The following ZNF71 variants were observed in gnomAD, a reference collection of about 807,000 sequenced individuals.
ZNF71 encodes endothelial zinc finger protein induced by tumor necrosis factor alpha.
Under a neutral mutation model 6.7 loss-of-function variants are expected in ZNF71, and 3 were observed. That is an observed-to-expected ratio of 0.45 (90% confidence interval 0.20 to 1.16). The LOEUF is 1.16. ZNF71 is among the 50% of genes most tolerant of loss of function. The pLI, the probability that ZNF71 is intolerant of heterozygous loss-of-function variation, is 0.25. For synonymous variants in ZNF71, 343 were observed against 311.1 expected, an observed-to-expected ratio of 1.10 and a Z score of -1.08; for missense variants, 688 against 728.6, an observed-to-expected ratio of 0.94 and a Z score of 0.64.
intron 3 of ZNF71, among the ~76,000 whole-genome samples, chr19:56,616,761 C>T (rs1460971490): frequency 6.6e-6 from 1 of 152,170 alleles, no homozygotes; most frequent in African/African-American, 2.4e-5. Context: ...AGCTCTGTCT[C>T]CTCAACTTGG....
chr19:56,611,478 G>C (rs1568506251), intron 2 of ZNF71, among the ~76,000 whole-genome samples: 1 of 152,094 alleles, frequency 6.6e-6, no homozygotes, highest in Non-Finnish European at 1.5e-5. Context: ...TCCCTCCAGT[G>C]CCCCCTATTG....
chr19:56,605,832 GA>G (rs1209587236), intron 2 of ZNF71, among the ~76,000 whole-genome samples: 1 of 152,244 alleles, frequency 6.6e-6, no homozygotes, highest in Non-Finnish European at 1.5e-5. Context: ...ATAGGCAAAA[GA>G]CGTGCCATCC....
chr19:56,612,117 T>G (rs202169653), intron 2 of ZNF71, among the ~76,000 whole-genome samples: 2 of 152,236 alleles, frequency 1.3e-5, no homozygotes, highest in East Asian at 3.8e-4. Context: ...TTAGTACAAC[T>G]TCTTTGGAAA....
chr19:56,595,668 G>C (rs1189842806), intron 1 of ZNF71, among the ~76,000 whole-genome samples: 1 of 152,148 alleles, frequency 6.6e-6, no homozygotes, highest in Non-Finnish European at 1.5e-5. Context: ...GGCCATCCTG[G>C]GGGGAAGGTG....
intron 3 of ZNF71, among the ~76,000 whole-genome samples, chr19:56,615,729 T>G (rs188717930): frequency 2.0e-5 from 3 of 152,312 alleles, no homozygotes; most frequent in African/African-American, 7.2e-5. Flanking sequence ...TACCTCCCAT[T>G]CTGTGGATTG....
At position 56,607,717 on chromosome 19, in the gene ZNF71, C is replaced by T. The variant is rs185887600; in HGVS notation, c.34-6095C>T. 2.0e-5 allele frequency among the ~76,000 whole-genome samples: 3 copies of T among 152,346 alleles called. No individual in the cohort carries two copies. In the East Asian group the frequency reaches 5.8e-4, roughly 29 times the overall value. ...AAAAACAAACAAACAAACAAAAACA[C>T]TCACCCCCCTGTATTACTTGTGGCT... On this transcript the variant is annotated intron_variant, in intron 2 of 3. Coordinates refer to ENST00000599599, the MANE Select transcript of ZNF71 (RefSeq NM_001370215.1).
Position 56,623,611 on chromosome 19 carries a change from G to T in ZNF71, c.*854G>T, listed in dbSNP as rs1479196360. Reference sequence around the variant, plus strand: ...ACAGATTATTTTTATAGTGATTTTTGCAGCTAAATGTGAAGGCAACTGTCT... The same window carrying T: ...ACAGATTATTTTTATAGTGATTTTTTCAGCTAAATGTGAAGGCAACTGTCT... On this transcript the variant is annotated 3_prime_UTR_variant, in exon 4 of 4. Coordinates refer to ENST00000599599, the MANE Select transcript of ZNF71 (RefSeq NM_001370215.1). 1 of 167,010 alleles carries T rather than the reference G, an allele frequency of 6.0e-6. No homozygotes were observed. The highest frequency in any genetic ancestry group is 1.5e-5 in the Non-Finnish European group (1 of 68,104). The allele number at this position is 167,010 out of a possible 1,614,324, so 10.3% of individuals were successfully genotyped here.
Position 56,618,719 on chromosome 19 carries a change from C to A in ZNF71, c.161-2549C>A, listed in dbSNP as rs1329862083. On this transcript the variant is annotated intron_variant, in intron 3 of 3. Coordinates refer to ENST00000599599, the MANE Select transcript of ZNF71 (RefSeq NM_001370215.1). The surrounding 1 kb of genome is among the most constrained non-coding windows in gnomAD (Gnocchi z 4.6). ...GAGGCCCTGAGGCAGGAAGAACACA[C>A]GGACAAGAGGGAGAGCATGGTGATG... Among the ~76,000 whole-genome samples the A allele has an allele frequency of 8.1e-6, 1 of 123,542 alleles. No homozygotes were observed. The highest frequency in any genetic ancestry group is 3.1e-5 in the African/African-American group (1 of 32,034). 81.0% of individuals were successfully genotyped at this position (123,542 alleles called of 152,430 possible).
Position 56,600,343 on chromosome 19 carries a change from G to A in ZNF71, c.-52-1164G>A, listed in dbSNP as rs112233168. ...CTCCCGAGTAGCTGGGACTACAGGC[G>A]CCCGCCACCGCGCCCGGCTAATTTT... On this transcript the variant is annotated intron_variant, in intron 1 of 3. Coordinates refer to ENST00000599599, the MANE Select transcript of ZNF71 (RefSeq NM_001370215.1). 3.6e-5 allele frequency among the ~76,000 whole-genome samples: 2 copies of A among 55,046 alleles called. 1 individual carries two copies. 36.1% of individuals were successfully genotyped at this position (55,046 alleles called of 152,430 possible). A position where few individuals can be genotyped will look rare whatever the true frequency, so the allele number is the denominator to read the frequency against.
chr19:56,614,578 C>T (rs1010819555), intron 3 of ZNF71, among the ~76,000 whole-genome samples: 6 of 152,264 alleles, frequency 3.9e-5, no homozygotes, highest in African/African-American at 1.2e-4. Context: ...CAAGGCCTAT[C>T]GATATGTTGG....
intron 2 of ZNF71, among the ~76,000 whole-genome samples, chr19:56,610,782 G>A (rs993663519): frequency 1.3e-5 from 2 of 152,332 alleles, no homozygotes; most frequent in African/African-American, 2.4e-5. Flanking sequence ...CTTTAGAGAG[G>A]AATGTTGTTG....
chr19:56,598,955 C>A lies in ZNF71; in HGVS notation c.-52-2552C>A, dbSNP rs144179673. ...TTGCTTAGAAATACCGATTCAGGGG[C>A]CCTACCCAGGTAGTTTGATTCAGAG... On this transcript the variant is annotated intron_variant, in intron 1 of 3. Coordinates refer to ENST00000599599, the MANE Select transcript of ZNF71 (RefSeq NM_001370215.1). This position sits in a 1 kb window ranked among gnomAD's most constrained non-coding sequence, Gnocchi z 4.2. 6.6e-6 allele frequency among the ~76,000 whole-genome samples: 1 copy of A among 152,320 alleles called. No homozygotes were observed. Among genetic ancestry groups the A allele is most frequent in the African/African-American group, 2.4e-5 (1 of 41,558 alleles).
chr19:56,602,842 C>A (rs1040651947), intron 2 of ZNF71, among the ~76,000 whole-genome samples: 1 of 152,124 alleles, frequency 6.6e-6, no homozygotes, highest in Non-Finnish European at 1.5e-5. Flanking sequence ...TTTTTAAAAT[C>A]AAATCTGTTG....
At chr19:56,621,203 G>C in intron 3 of ZNF71, 65 bp from the exon 4 acceptor site, 1 of 1,476,822 alleles carries the variant, frequency 6.8e-7, no homozygotes, top group South Asian at 1.4e-5. Flanking sequence ...TCCTGCTGTG[G>C]AGCTTCCTCA....
intron 2 of ZNF71, among the ~76,000 whole-genome samples, chr19:56,602,574 G>T (rs1416126687): frequency 6.6e-6 from 1 of 152,200 alleles, no homozygotes; most frequent in East Asian, 1.9e-4. Flanking sequence ...GGGACAAATG[G>T]TGCCACGTGA....
In ZNF71 at chr19:56,621,896, G is replaced by C. The variant is rs781589174; in HGVS notation, c.789G>C (p.Val263=). 2 of 1,611,726 alleles carry C rather than the reference G, an allele frequency of 1.2e-6. No homozygotes were observed. The highest frequency in any genetic ancestry group is 1.1e-5 in the South Asian group (1 of 91,052). ...KAFSQRMNLT[V]HQRTHTGEKP... is the part of the protein sequence containing the mutation. ...TCAGCCAGCGCATGAACCTCACTGT[G>C]CACCAGCGCACGCACACGGGCGAGA... The change falls in exon 4 of 4, where the codon GTG becomes GTC. Residue 263 remains valine, a synonymous_variant. Coordinates refer to ENST00000599599, the MANE Select transcript of ZNF71 (RefSeq NM_001370215.1).
Position 56,622,466 on chromosome 19 carries a change from G to T in ZNF71, c.1359G>T (p.Gly453=). 1 of 1,612,576 alleles carries T rather than the reference G, an allele frequency of 6.2e-7. No homozygotes were observed. Among genetic ancestry groups the T allele is most frequent in the Non-Finnish European group, 8.5e-7 (1 of 1,179,638 alleles). Residue 453 remains glycine, a synonymous_variant, in exon 4 of 4, where the codon GGG becomes GGT. Coordinates refer to ENST00000599599, the MANE Select transcript of ZNF71 (RefSeq NM_001370215.1). ...ACATCTGCAAGAAGCACTTCACGGG[G>T]CGCTCGTCCCTCATCGTGCACCAGA... ...ECYICKKHFT[G]RSSLIVHQIV...
intron 3 of ZNF71, among the ~76,000 whole-genome samples, chr19:56,617,705 G>A (rs2044807428): frequency 6.6e-6 from 1 of 152,172 alleles, no homozygotes; most frequent in African/African-American, 2.4e-5. Flanking sequence ...TTTAATCTGG[G>A]TGGTGTGGAA....
At chr19:56,617,814 T>C (rs1321095641) in intron 3 of ZNF71, among the ~76,000 whole-genome samples, 1 of 152,126 alleles carries the variant, frequency 6.6e-6, no homozygotes, top group Non-Finnish European at 1.5e-5. Flanking sequence ...GGTGGCTTCC[T>C]CCCCTCTGTC....
Sources: allele counts gnomAD v4.1 joint callset (sites outside exome capture counted in the v4.1 genomes callset), GRCh38; gene constraint gnomAD v4.1.1; non-coding constraint Gnocchi (gnomAD v3.1); transcripts MANE v1.5; gene names NCBI Gene and HGNC (gene_info 2026-07-23, HGNC 2026-07-21).